RPIA: variants seen among roughly 807,000 people sequenced by gnomAD.
RPIA encodes the protein ribose 5-phosphate isomerase A.
RPIA carries 29 observed loss-of-function variants against 37.8 expected under a neutral mutation model. The observed-to-expected ratio is 0.77, with a 90% CI of 0.57 to 1.05. The LOEUF is 1.05. Among genes scored for constraint, RPIA ranks in the 50% least tolerant of loss-of-function variants. The pLI is 0.00. For synonymous variants in RPIA, 167 were observed against 157.0 expected, an observed-to-expected ratio of 1.06 and a Z score of -0.48; for missense variants, 385 against 413.6, an observed-to-expected ratio of 0.93 and a Z score of 0.60.
chr2:88,734,459 C>A, intron 4 of RPIA, 93 bp from the exon 5 acceptor site: 1 of 1,191,922 alleles, frequency 8.4e-7, no homozygotes, highest in Non-Finnish European at 1.3e-6. Context: ...GCTAACAGGG[C>A]TGCTGAGTAT....
intron 3 of RPIA, among the ~76,000 whole-genome samples, chr2:88,728,967 C>T (rs1373550194): frequency 4.6e-5 from 7 of 152,154 alleles, no homozygotes; most frequent in Non-Finnish European, 7.4e-5. Context: ...AATTTTTTGT[C>T]GCACTTGTTT....
chr2:88,729,548 C>T (rs56084203), intron 4 of RPIA, among the ~76,000 whole-genome samples: 9,210 of 152,146 alleles, frequency 0.061, 495 homozygotes, highest in African/African-American at 0.14. Flanking sequence ...GTGGTTTAAC[C>T]GCAAGGGCTC....
At chr2:88,737,775 T>C (rs1028936937) in intron 7 of RPIA, among the ~76,000 whole-genome samples, 4 of 148,318 alleles carry the variant, frequency 2.7e-5, no homozygotes, top group African/African-American at 1.0e-4. Context: ...TCTCTCTCTC[T>C]CTCAAAAAAA....
chr2:88,723,188 T>C (rs1021238411), intron 3 of RPIA, among the ~76,000 whole-genome samples: 1 of 152,180 alleles, frequency 6.6e-6, no homozygotes, highest in Non-Finnish European at 1.5e-5. Context: ...CACCGAGTGC[T>C]CTAATGGTAA....
At chr2:88,716,256 A>G (rs1156364943) in intron 3 of RPIA, among the ~76,000 whole-genome samples, 1 of 152,098 alleles carries the variant, frequency 6.6e-6, no homozygotes, top group East Asian at 1.9e-4. Context: ...CCCCGCCTCA[A>G]GTTGTCCTGC....
chr2:88,706,863 G>A (rs1672904046), intron 3 of RPIA, among the ~76,000 whole-genome samples: 1 of 152,124 alleles, frequency 6.6e-6, no homozygotes, highest in South Asian at 2.1e-4. Flanking sequence ...GGGAAAAATG[G>A]GTATTACTTA....
At chr2:88,727,093 GTGTGCGCGCGCATGTGTGCGCGTGCA>G (rs1673207291) in intron 3 of RPIA, among the ~76,000 whole-genome samples, 1 of 151,984 alleles carries the variant, frequency 6.6e-6, no homozygotes, top group South Asian at 2.1e-4. Flanking sequence ...GCGTGTGTGT[GTGTGCGCGCGCATGTGTGCGCGTGCA>G]TGTGTGCGCA....
intron 3 of RPIA, among the ~76,000 whole-genome samples, chr2:88,701,823 A>G (rs886298267): frequency 2.0e-5 from 3 of 152,236 alleles, no homozygotes; most frequent in African/African-American, 7.2e-5. Context: ...CTGTGGCTGT[A>G]GTTCAAATTG....
intron 4 of RPIA, among the ~76,000 whole-genome samples, chr2:88,734,257 C>T (rs1285795438): frequency 1.3e-5 from 2 of 152,098 alleles, no homozygotes; most frequent in Non-Finnish European, 2.9e-5. Context: ...ACACTGAGAA[C>T]ACGTGCTCTA....
chr2:88,695,003 A>G (rs1672712311), intron 1 of RPIA, among the ~76,000 whole-genome samples: 1 of 151,200 alleles, frequency 6.6e-6, no homozygotes, highest in Admixed American at 6.6e-5. Context: ...AAAGAAAAAG[A>G]AAAAGAAAAG....
chr2:88,700,012 A>G lies in RPIA; in HGVS notation c.350A>G (p.Glu117Gly). 7 of 1,614,178 alleles carry G rather than the reference A, an allele frequency of 4.3e-6. No individual in the cohort carries two copies. Among genetic ancestry groups the G allele is most frequent in the Non-Finnish European group, 5.9e-6 (7 of 1,180,012 alleles). Residue 117 changes from glutamate (E) to glycine (G), a missense_variant, in exon 3 of 9, where the codon GAA becomes GGA. Physicochemically the swap from Glu to Gly is moderately conservative, Grantham distance 98. Transcript: ENST00000283646. ...AATATGGCTTTTGTTTCCACAGCTG[A>G]AAGGGTGAAGCAAGAGAATCTGAAC... ...TIVHAVQRIA[E>G]RVKQENLNLV...
intron 3 of RPIA, among the ~76,000 whole-genome samples, chr2:88,726,040 T>G (rs991483962): frequency 6.6e-6 from 1 of 152,172 alleles, no homozygotes; most frequent in African/African-American, 2.4e-5. Context: ...GATGCTCCCC[T>G]TGTGTTGTTG....
In RPIA at chr2:88,698,478, T is replaced by C. The variant is rs1398942933; in HGVS notation, c.286-6T>C. On this transcript the variant is annotated splice_polypyrimidine_tract_variant and splice_region_variant and intron_variant, in intron 1 of 8. Transcript: ENST00000283646. ...GTTTTGTTTTTTCTTCCCCGTTTTT[T>C]GGCAGAATAACCAAGTGCTGGGAAT... 1.2e-6 allele frequency: 2 copies of C among 1,614,086 alleles called. No individual in the cohort carries two copies. Among genetic ancestry groups the C allele is most frequent in the South Asian group, 1.1e-5 (1 of 91,084 alleles).
intron 3 of RPIA, among the ~76,000 whole-genome samples, chr2:88,727,294 A>T (rs1252623512): frequency 6.6e-6 from 1 of 152,216 alleles, no homozygotes; most frequent in African/African-American, 2.4e-5. Flanking sequence ...ATCCAAAGGG[A>T]TGAATGTCAG....
At chr2:88,723,192 A>C (rs1422739502) in intron 3 of RPIA, among the ~76,000 whole-genome samples, 1 of 152,234 alleles carries the variant, frequency 6.6e-6, no homozygotes, top group Non-Finnish European at 1.5e-5. Flanking sequence ...GAGTGCTCTA[A>C]TGGTAAGGAG....
intron 8 of RPIA, 98 bp from the exon 9 acceptor site, chr2:88,749,883 C>T: frequency 1.3e-6 from 1 of 769,218 alleles, no homozygotes. Context: ...TCGTCCAATG[C>T]TGTGTATGAC....
At chr2:88,729,674 A>G (rs1673242246) in intron 4 of RPIA, among the ~76,000 whole-genome samples, 2 of 152,200 alleles carry the variant, frequency 1.3e-5, no homozygotes, top group South Asian at 4.1e-4. Flanking sequence ...ACTAAGTGGA[A>G]ATAAGGAAGA....
chr2:88,693,843 C>T (rs1043874401), intron 1 of RPIA, among the ~76,000 whole-genome samples: 2 of 152,212 alleles, frequency 1.3e-5, no homozygotes, highest in African/African-American at 4.8e-5. Context: ...TCAGGTGAAT[C>T]CTTTGTATAG....
chr2:88,743,406 ATC>A (rs1409624626), intron 8 of RPIA, among the ~76,000 whole-genome samples: 1 of 152,080 alleles, frequency 6.6e-6, no homozygotes, highest in African/African-American at 2.4e-5. Context: ...ATGGTGTATT[ATC>A]TTTTTGATAT....
Sources: gnomAD v4.1 joint callset for allele counts (sites outside exome capture counted in the v4.1 genomes callset) on GRCh38, gnomAD v4.1.1 for gene constraint, MANE v1.5 for transcripts, NCBI Gene and HGNC (gene_info 2026-07-23, HGNC 2026-07-21) for gene names.